Variants in ASAP1 observed in about 807,000 individuals in gnomAD.
The protein encoded by ASAP1 is arf-GAP with SH3 domain, ANK repeat and PH domain-containing protein 1.
Under a neutral mutation model 145.2 loss-of-function variants are expected in ASAP1, and 43 were observed. The ratio of observed to expected loss-of-function variants is 0.30; its 90% CI spans 0.23 to 0.38. The LOEUF is 0.38. Ranked by LOEUF, ASAP1 falls within the 10% of genes least tolerant of loss-of-function variation. ASAP1 has a pLI of 1.00. For synonymous variants in ASAP1, 546 were observed against 515.5 expected (o/e 1.06, Z -0.80); for missense variants, 1,018 against 1,355.3 (o/e 0.75, Z 3.91).
chr8:130,213,247 ATATT>A (rs1816694784), intron 5 of ASAP1, among the ~76,000 whole-genome samples: 1 of 152,244 alleles, frequency 6.6e-6, no homozygotes, highest in South Asian at 2.1e-4. Flanking sequence ...TCTATGTTCG[ATATT>A]TATTTTCTTT....
At chr8:130,194,639 C>G (rs1219706043) in intron 5 of ASAP1, among the ~76,000 whole-genome samples, 1 of 151,734 alleles carries the variant, frequency 6.6e-6, no homozygotes, top group East Asian at 1.9e-4. Context: ...GAGCTGTTTT[C>G]AGGATGAAAC....
chr8:130,404,377 A>G (rs966665041), intron 1 of ASAP1, among the ~76,000 whole-genome samples: 1 of 152,196 alleles, frequency 6.6e-6, no homozygotes, highest in African/African-American at 2.4e-5. Context: ...ATGAAGAACA[A>G]TGTTGGACTT....
intron 13 of ASAP1, 197 bp downstream of exon 13, chr8:130,152,539 G>A (rs943814351): frequency 5.1e-6 from 2 of 392,446 alleles, no homozygotes; most frequent in African/African-American, 4.2e-5. Context: ...AAAAAAACAA[G>A]TTTCTAGTGA....
chr8:130,346,758 G>A (rs1309320130), intron 3 of ASAP1, among the ~76,000 whole-genome samples: 1 of 144,482 alleles, frequency 6.9e-6, no homozygotes, highest in Non-Finnish European at 1.5e-5. Context: ...CACTTGCCTT[G>A]CTATGAAAAA....
chr8:130,200,991 A>G (rs571991198), intron 5 of ASAP1, among the ~76,000 whole-genome samples: 2 of 152,340 alleles, frequency 1.3e-5, no homozygotes, highest in African/African-American at 4.8e-5. Context: ...GTGGTTCTCA[A>G]AAGTGTGGTC....
At chr8:130,405,325 T>A (rs1365501620) in intron 1 of ASAP1, among the ~76,000 whole-genome samples, 1 of 152,134 alleles carries the variant, frequency 6.6e-6, no homozygotes, top group African/African-American at 2.4e-5. Flanking sequence ...CAAGACAGTG[T>A]GTGGCAGAAC....
rs1054260225 is a variant in ASAP1 at position 130,123,871 on chromosome 8, G to C, written c.1607+142C>G. ...TCTTGATCTCCTGACCTCGTGATCC[G>C]TTTGCCTCAGCCTCCCAAAGTGCTG... is the stretch of plus-strand genomic sequence containing the variant. On this transcript the variant is annotated intron_variant, in intron 18 of 29. Coordinates refer to ENST00000518721, the MANE Select transcript of ASAP1 (RefSeq NM_018482.4). 58 of 593,420 alleles carry C rather than the reference G, an allele frequency of 9.8e-5. No individual in the cohort carries two copies. In the African/African-American group the frequency reaches 9.9e-4, roughly 10 times the overall value. 36.8% of individuals were successfully genotyped at this position (593,420 alleles called of 1,614,324 possible).
chr8:130,200,081 T>A (rs112213294), intron 5 of ASAP1, among the ~76,000 whole-genome samples: 1 of 152,084 alleles, frequency 6.6e-6, no homozygotes, highest in Non-Finnish European at 1.5e-5. Flanking sequence ...CTGGCAGTTT[T>A]CCCCCACTTC....
At chr8:130,160,030 T>G (rs1429313156) in intron 11 of ASAP1, 66 bp from the exon 12 acceptor site, 3 of 1,387,848 alleles carry the variant, frequency 2.2e-6, no homozygotes, top group Non-Finnish European at 3.1e-6. Context: ...GATTCTATTC[T>G]GCCATTGAGC....
In ASAP1 at chr8:130,420,818, G is replaced by A. The variant is rs1565302040; in HGVS notation, c.-27-18848C>T. ...TGAGGCAGGAGAATCACTTGAACTC[G>A]GGAGGCAGAGGTTGCAGTGAGCCAA... On this transcript the variant is annotated intron_variant, in intron 1 of 29. Transcript: ENST00000518721. Among the ~76,000 whole-genome samples the A allele has an allele frequency of 4.0e-5, 6 of 151,722 alleles. No individual in the cohort carries two copies. In the South Asian group the frequency reaches 1.3e-3, roughly 32 times the overall value.
chr8:130,322,478 G>A (rs1041664465), intron 3 of ASAP1, among the ~76,000 whole-genome samples: 3 of 152,096 alleles, frequency 2.0e-5, no homozygotes, highest in Non-Finnish European at 4.4e-5. Context: ...CCTTGTATTT[G>A]AATCACTGGC....
chr8:130,403,560 T>TTTC, intron 1 of ASAP1, among the ~76,000 whole-genome samples: 1 of 149,712 alleles, frequency 6.7e-6, no homozygotes, highest in African/African-American at 2.5e-5. Context: ...TTTTCTTTTT[T>TTTC]TTTTTTTTTT....
chr8:130,093,864 C>T (rs190062498), intron 24 of ASAP1, among the ~76,000 whole-genome samples: 4 of 152,066 alleles, frequency 2.6e-5, no homozygotes, highest in East Asian at 3.9e-4. Context: ...TTGTCAATTA[C>T]TAGTCCCTAC....
intron 24 of ASAP1, among the ~76,000 whole-genome samples, 171 bp downstream of exon 24, chr8:130,111,923 G>A (rs2097547564): frequency 1.3e-5 from 2 of 152,170 alleles, no homozygotes; most frequent in South Asian, 4.1e-4. Context: ...CCTGCTCTTG[G>A]TACCTGGCAA....
chr8:130,284,364 A>G (rs1488431755), intron 3 of ASAP1, among the ~76,000 whole-genome samples: 1 of 152,202 alleles, frequency 6.6e-6, no homozygotes, highest in Non-Finnish European at 1.5e-5. Flanking sequence ...TCAAGTGACT[A>G]TAGTGTAATT....
chr8:130,411,647 AG>A (rs1829270272), intron 1 of ASAP1, among the ~76,000 whole-genome samples: 1 of 152,158 alleles, frequency 6.6e-6, no homozygotes, highest in Admixed American at 6.5e-5. Context: ...TGTTGTTAGG[AG>A]GAAAAAAAGG....
chr8:130,411,592 T>C (rs923988219), intron 1 of ASAP1, among the ~76,000 whole-genome samples: 2 of 152,166 alleles, frequency 1.3e-5, no homozygotes, highest in Non-Finnish European at 2.9e-5. Context: ...GCTGGCTTCT[T>C]GGGGAAACCA....
At chr8:130,276,892 G>A (rs1168073936) in intron 3 of ASAP1, among the ~76,000 whole-genome samples, 1 of 152,048 alleles carries the variant, frequency 6.6e-6, no homozygotes, top group Non-Finnish European at 1.5e-5. Flanking sequence ...TGCCAGGAGC[G>A]GTCTTGGCAG....
chr8:130,339,748 A>G (rs1439742213), intron 3 of ASAP1, among the ~76,000 whole-genome samples: 1 of 152,214 alleles, frequency 6.6e-6, no homozygotes, highest in Non-Finnish European at 1.5e-5. Context: ...CAGTGGCTGT[A>G]AACTCAGGAC....
Sources: gnomAD v4.1 joint callset for allele counts (sites outside exome capture counted in the v4.1 genomes callset) on GRCh38, gnomAD v4.1.1 for gene constraint, MANE v1.5 for transcripts, NCBI Gene and HGNC (gene_info 2026-07-23, HGNC 2026-07-21) for gene names.